The following NFIA variants were observed in gnomAD, a reference collection of about 807,000 sequenced individuals.
NFIA encodes the protein nuclear factor I A.
A neutral mutation model predicts 62.8 loss-of-function variants in NFIA; 8 were observed. The observed-to-expected ratio is 0.13, with a 90% confidence interval of 0.07 to 0.23. The LOEUF is 0.23. Ranked by LOEUF, NFIA falls within the 10% of genes least tolerant of loss-of-function variation. The probability of loss-of-function intolerance (pLI) is 1.00; values close to 1 mark genes in which losing one functional copy is unlikely to be tolerated. For synonymous variants in NFIA, 235 were observed against 238.1 expected, an observed-to-expected ratio of 0.99 and a Z score of 0.12; for missense variants, 410 against 642.1, an observed-to-expected ratio of 0.64 and a Z score of 3.91.
chr1:61,390,720 G>A (rs1664929150), intron 7 of NFIA, among the ~76,000 whole-genome samples: 2 of 152,168 alleles, frequency 1.3e-5, no homozygotes, highest in Non-Finnish European at 2.9e-5. Flanking sequence ...TAATAGAGGA[G>A]CGGGGAAGGA....
intron 2 of NFIA, among the ~76,000 whole-genome samples, chr1:61,220,734 C>G (rs1653965685): frequency 6.6e-6 from 1 of 152,150 alleles, no homozygotes; most frequent in Admixed American, 6.5e-5. Context: ...ATGTGGTTTG[C>G]TGAAACCCAC....
intron 2 of NFIA, among the ~76,000 whole-genome samples, chr1:61,115,705 G>C (rs144784064): frequency 6.6e-6 from 1 of 152,160 alleles, no homozygotes; most frequent in Admixed American, 6.5e-5. Context: ...GCTGACCCTT[G>C]AGCAAGGCTG....
rs1668449600 is a variant in NFIA, at chr1:61,459,542, C to T, written c.*4222C>T. The T allele has an allele frequency of 6.6e-6, 1 of 152,448 alleles. No homozygotes were observed. The highest frequency in any genetic ancestry group is 1.9e-4 in the East Asian group (1 of 5,186). 9.4% of individuals were successfully genotyped at this position (152,448 alleles called of 1,614,324 possible). Reference sequence around the variant, plus strand: ...GTCAGCCCGCTCCCCAGGCCCGTCCCTGCCGCCGCCAGGTGTGGGCTCTAG... The same window carrying T: ...GTCAGCCCGCTCCCCAGGCCCGTCCTTGCCGCCGCCAGGTGTGGGCTCTAG... On this transcript the variant is annotated 3_prime_UTR_variant, in exon 11 of 11. Transcript: ENST00000403491.
At chr1:61,293,821 G>T (rs1172595389) in intron 3 of NFIA, among the ~76,000 whole-genome samples, 3 of 152,224 alleles carry the variant, frequency 2.0e-5, no homozygotes, top group Admixed American at 2.0e-4. Flanking sequence ...CATGTGAGAA[G>T]TCCTTGCTTT....
chr1:61,456,712 C>G lies in NFIA; in HGVS notation c.*1392C>G, dbSNP rs1208553097. 3 of 139,256 alleles carry G rather than the reference C, an allele frequency of 2.2e-5. No homozygotes were observed. The highest frequency in any genetic ancestry group is 4.6e-5 in the Non-Finnish European group (3 of 65,852). The allele number at this position is 139,256 out of a possible 1,614,324, so 8.6% of individuals were successfully genotyped here. On this transcript the variant is annotated 3_prime_UTR_variant, in exon 11 of 11. Transcript: ENST00000403491. ...AATAATGATGAAACCAATACTGACA[C>G]AAATGCTGGTGCCCATTCAGATCAA... is the stretch of plus-strand genomic sequence containing the variant.
chr1:61,204,411 A>G (rs556508419), intron 2 of NFIA, among the ~76,000 whole-genome samples: 12 of 152,238 alleles, frequency 7.9e-5, no homozygotes, highest in Non-Finnish European at 1.6e-4. Flanking sequence ...ATTTGGATTT[A>G]GAGCATGGAT....
upstream of NFIA, chr1:61,082,336 C>T (rs933819869): frequency 3.6e-6 from 1 of 279,554 alleles, no homozygotes; most frequent in Non-Finnish European, 5.4e-6. Context: ...CCCGGCTGGC[C>T]GCGCGGCGCC....
chr1:61,244,773 A>C (rs1432431471), intron 2 of NFIA, among the ~76,000 whole-genome samples: 1 of 152,180 alleles, frequency 6.6e-6, no homozygotes, highest in South Asian at 2.1e-4. Flanking sequence ...AAAGAGTATC[A>C]TCCTCCTCCT....
intron 6 of NFIA, among the ~76,000 whole-genome samples, chr1:61,364,129 A>G (rs907188219): frequency 1.3e-5 from 2 of 151,838 alleles, no homozygotes; most frequent in Non-Finnish European, 2.9e-5. Context: ...TATTTTTAGT[A>G]GAGACAGGGT....
At chr1:61,235,402 G>A (rs1654932118) in intron 2 of NFIA, among the ~76,000 whole-genome samples, 1 of 151,664 alleles carries the variant, frequency 6.6e-6, no homozygotes, top group Non-Finnish European at 1.5e-5. Context: ...GGCGGAGGTT[G>A]CAGTGAGCCG....
intron 2 of NFIA, among the ~76,000 whole-genome samples, chr1:61,235,766 TAGTGCCACTGC>T (rs1307881922): frequency 2.0e-5 from 3 of 148,902 alleles, no homozygotes; most frequent in Non-Finnish European, 3.0e-5. Context: ...TGAGCTGTGA[TAGTGCCACTGC>T]ACTCCATCCT....
Position 61,083,668 on chromosome 1 carries a change from A to AGGCCGCG in NFIA, c.27+863_27+869dup, listed in dbSNP as rs970477078. 3.6e-4 allele frequency among the ~76,000 whole-genome samples: 54 copies of AGGCCGCG among 151,472 alleles called. No homozygotes were observed. In the East Asian group the frequency reaches 5.3e-3, roughly 15 times the overall value. On this transcript the variant is annotated intron_variant, in intron 1 of 10. Coordinates refer to ENST00000403491, the MANE Select transcript of NFIA (RefSeq NM_001134673.4). ...CGTTGTGCAGGGCGCCGAACGCCGG[A>AGGCCGCG]GGCCGCGGGCCGCGGGCCGGGTAGC...
At chr1:61,276,662 C>T (rs751361712) in intron 2 of NFIA, among the ~76,000 whole-genome samples, 10 of 152,030 alleles carry the variant, frequency 6.6e-5, no homozygotes, top group Non-Finnish European at 1.2e-4. Flanking sequence ...AAAACTGTAC[C>T]ATAAATATGC....
chr1:61,337,278 C>A (rs774855054), intron 4 of NFIA, among the ~76,000 whole-genome samples: 1 of 151,826 alleles, frequency 6.6e-6, no homozygotes, highest in Non-Finnish European at 1.5e-5. Context: ...TGCAATCTTC[C>A]GTGAACTCCC....
At chr1:61,442,566 T>C (rs1455348085) in intron 10 of NFIA, among the ~76,000 whole-genome samples, 2 of 140,512 alleles carry the variant, frequency 1.4e-5, no homozygotes, top group Admixed American at 1.4e-4. Context: ...CAGAGTTGCT[T>C]AAAAAAAAAA....
At chr1:61,341,462 T>C (rs922803877) in intron 4 of NFIA, among the ~76,000 whole-genome samples, 2 of 152,018 alleles carry the variant, frequency 1.3e-5, no homozygotes, top group African/African-American at 4.8e-5. Context: ...ATGCTACAGG[T>C]CATTACTGAC....
At chr1:61,083,995 T>A (rs1165654422) in intron 1 of NFIA, among the ~76,000 whole-genome samples, 1 of 152,198 alleles carries the variant, frequency 6.6e-6, no homozygotes, top group Non-Finnish European at 1.5e-5. Context: ...TTTGTTTTCC[T>A]TGACTAAAAG....
intron 2 of NFIA, among the ~76,000 whole-genome samples, chr1:61,100,432 C>G (rs780873924): frequency 6.6e-6 from 1 of 152,090 alleles, no homozygotes; most frequent in Non-Finnish European, 1.5e-5. Flanking sequence ...GTGATAGATT[C>G]CCGAGATGCA....
In NFIA at chr1:61,083,002, C is replaced by T. The variant is rs954698006; in HGVS notation, c.27+184C>T. 4.0e-5 allele frequency among the ~76,000 whole-genome samples: 6 copies of T among 151,222 alleles called. No individual in the cohort carries two copies. The South Asian group carries it at 6.3e-4, about 16-fold the overall frequency. On this transcript the variant is annotated intron_variant, in intron 1 of 10. Transcript: ENST00000403491. ...TGTGCCCGCGGGTGGGGGGGGGGAT[C>T]CCGCTTAAAGAAAGTAACTTTGTTT...
Sources: allele counts gnomAD v4.1 joint callset (sites outside exome capture counted in the v4.1 genomes callset), GRCh38; gene constraint gnomAD v4.1.1; transcripts MANE v1.5; gene names NCBI Gene and HGNC (gene_info 2026-07-23, HGNC 2026-07-21).